The following EXD3 variants were observed in gnomAD, a reference collection of about 807,000 sequenced individuals.
EXD3 encodes exonuclease mut-7 homolog.
A neutral mutation model predicts 98.0 loss-of-function variants in EXD3; 92 were observed. The observed-to-expected ratio is 0.94, with a 90% CI of 0.79 to 1.12. The LOEUF is 1.12. Among genes scored for constraint, EXD3 ranks in the 50% most tolerant of loss-of-function variants. The pLI, the probability that EXD3 is intolerant of heterozygous loss-of-function variation, is 0.00. For synonymous variants in EXD3, 569 were observed against 526.0 expected, an observed-to-expected ratio of 1.08 and a Z score of -1.12; for missense variants, 1,222 against 1,191.6, an observed-to-expected ratio of 1.03 and a Z score of -0.38.
At chr9:137,418,408 CATT>C (rs1838342421) in intron 1 of EXD3, among the ~76,000 whole-genome samples, 1 of 152,170 alleles carries the variant, frequency 6.6e-6, no homozygotes, top group African/African-American at 2.4e-5. Flanking sequence ...AACACTGAAA[CATT>C]AATTACTAAG....
At chr9:137,414,566 A>G (rs1042770370) in intron 1 of EXD3, among the ~76,000 whole-genome samples, 4 of 152,316 alleles carry the variant, frequency 2.6e-5, no homozygotes, top group Admixed American at 6.5e-5. Context: ...ATTTTACGCT[A>G]GCATCGATAA....
chr9:137,405,502 C>T lies in EXD3; in HGVS notation c.-47-10098G>A, dbSNP rs963113940. Among the ~76,000 whole-genome samples the T allele has an allele frequency of 3.9e-5, 6 of 152,214 alleles. No homozygotes were observed. The highest frequency in any genetic ancestry group is 5.9e-5 in the Non-Finnish European group (4 of 68,038). On this transcript the variant is annotated intron_variant, in intron 1 of 21. Coordinates refer to ENST00000340951, the MANE Select transcript of EXD3 (RefSeq NM_017820.5). This position sits in a 1 kb window ranked among gnomAD's most constrained non-coding sequence, Gnocchi z 4.1. ...ACTCACCCGTCCCCAGCCACTCACC[C>T]GTCCCCAGCATCCACAGTTTCTCAG...
intron 20 of EXD3, among the ~76,000 whole-genome samples, chr9:137,309,166 G>A (rs1460503315): frequency 6.6e-6 from 1 of 152,204 alleles, no homozygotes; most frequent in Admixed American, 6.5e-5. Flanking sequence ...TCCACAGGAG[G>A]AGAAAGAAGC....
chr9:137,370,874 G>A (rs560074584), intron 5 of EXD3, among the ~76,000 whole-genome samples: 7 of 151,534 alleles, frequency 4.6e-5, no homozygotes, highest in African/African-American at 1.2e-4. Context: ...ATAACTCAGC[G>A]GACAAAAGCA....
chr9:137,401,217 G>A lies in EXD3; in HGVS notation c.-47-5813C>T, dbSNP rs567749307. 4.1e-5 allele frequency among the ~76,000 whole-genome samples: 6 copies of A among 145,184 alleles called. No homozygotes were observed. In the South Asian group the frequency reaches 8.9e-4, roughly 22 times the overall value. ...TGCCCAGGCTGGAGTGCAGTGGCGCGATCTCAGCTCACTGCAAGCTCCACC... is the reference window on the plus strand; with the variant it reads ...TGCCCAGGCTGGAGTGCAGTGGCGCAATCTCAGCTCACTGCAAGCTCCACC... On this transcript the variant is annotated intron_variant, in intron 1 of 21. Coordinates refer to ENST00000340951, the MANE Select transcript of EXD3 (RefSeq NM_017820.5).
Position 137,373,024 on chromosome 9 carries a change from T to A in EXD3, c.343A>T (p.Thr115Ser). 6.2e-7 allele frequency: 1 copy of A among 1,604,076 alleles called. No individual in the cohort carries two copies. The highest frequency in any genetic ancestry group is 8.5e-7 in the Non-Finnish European group (1 of 1,178,340). ...QLQARAVKVL[T>S]ESPPSLAAPL... ...GCCGCAAGGCTGGGGGGGCTCTCAG[T>A]GAGGACTTTGACCGCTCGGGCCTGC... The change falls in exon 5 of 22, where the codon ACT becomes TCT. Residue 115 changes from threonine (T) to serine (S), a missense_variant. Thr to Ser is a moderately conservative substitution (Grantham distance 58). Transcript: ENST00000340951.
Position 137,349,183 on chromosome 9 carries a change from C to T in EXD3, c.1757G>A (p.Arg586Lys). ...SEDLAGSRRP[R>K]HRERPGARKP... The stretch of plus-strand genomic sequence containing the variant: ...CCGTGCCCCTGGTCTCTCTCTGTGC[C>T]TGGGCCTCCGGCTCCCAGCCAGGTC... Residue 586 changes from arginine (R) to lysine (K), a missense_variant, in exon 16 of 22, where the codon AGG becomes AAG. By Grantham distance (26) the Arg-to-Lys change is conservative. Transcript: ENST00000340951. The surrounding 1 kb of genome is among the most constrained non-coding windows in gnomAD (Gnocchi z 7.4). 6.3e-7 allele frequency: 1 copy of T among 1,591,340 alleles called. No individual in the cohort carries two copies. Among genetic ancestry groups the T allele is most frequent in the African/African-American group, 1.3e-5 (1 of 74,832 alleles).
intron 1 of EXD3, among the ~76,000 whole-genome samples, chr9:137,421,722 C>T (rs1838523729): frequency 6.6e-6 from 1 of 152,112 alleles, no homozygotes; most frequent in African/African-American, 2.4e-5. Context: ...CCTGTATTCC[C>T]AGGTACTCAG....
At chr9:137,373,931 A>C (rs1253084610) in intron 3 of EXD3, among the ~76,000 whole-genome samples, 1 of 152,266 alleles carries the variant, frequency 6.6e-6, no homozygotes, top group African/African-American at 2.4e-5. Flanking sequence ...CTCGCGGGAC[A>C]CGGGCCTGGC....
chr9:137,372,980 G>A lies in EXD3; in HGVS notation c.387C>T (p.Phe129=). ...AGCTCCTGTCTGCATCCTGCAGCTG[G>A]AAGATGCTGGCCAGTGGTGCCGCAA... ...PSLAAPLASI[F]QLQDADRSCL... Residue 129 remains phenylalanine, a synonymous_variant, in exon 5 of 22, where the codon TTC becomes TTT. Transcript: ENST00000340951. 1 of 1,604,580 alleles carries A rather than the reference G, an allele frequency of 6.2e-7. No individual in the cohort carries two copies. Among genetic ancestry groups the A allele is most frequent in the Non-Finnish European group, 8.5e-7 (1 of 1,179,710 alleles).
Position 137,307,605 on chromosome 9 carries a change from C to G in EXD3, c.2317+3G>C, listed in dbSNP as rs1301719153. ...GTCCTTGGTGGGCGGTCCCGGGGCT[C>G]ACCTGGCTCCTGCACCGCCTGGCTC... On this transcript the variant is annotated splice_donor_region_variant and intron_variant, in intron 21 of 21. Transcript: ENST00000340951. 2.5e-6 allele frequency: 4 copies of G among 1,609,922 alleles called. No individual in the cohort carries two copies. In the African/African-American group the frequency reaches 5.3e-5, roughly 21 times the overall value.
chr9:137,306,926 T>C lies in EXD3; in HGVS notation c.*24A>G, dbSNP rs751830278. 4 of 1,537,568 alleles carry C rather than the reference T, an allele frequency of 2.6e-6. No homozygotes were observed. Among genetic ancestry groups the C allele is most frequent in the Admixed American group, 2.0e-5 (1 of 50,966 alleles). On this transcript the variant is annotated 3_prime_UTR_variant, in exon 22 of 22. Transcript: ENST00000340951. The stretch of plus-strand genomic sequence containing the variant: ...CCATGGGCCCAGCAGTCGGGCACTT[T>C]CCATGTTTATTGTCTGGCTGTCCTC...
At chr9:137,391,666 C>T (rs34153977) in intron 2 of EXD3, 7,186 of 152,188 alleles carry the variant, frequency 0.047, 248 homozygotes, top group Non-Finnish European at 0.068. Flanking sequence ...CGCCGACCGC[C>T]GGCCCTGGTG....
At chr9:137,415,267 G>A (rs1838184290) in intron 1 of EXD3, among the ~76,000 whole-genome samples, 2 of 151,222 alleles carry the variant, frequency 1.3e-5, no homozygotes, top group East Asian at 1.9e-4. Context: ...GCAGTGGGGC[G>A]ATCTCAGCTG....
At position 137,349,915 on chromosome 9, in the gene EXD3, C is replaced by T. The variant is rs564766589; in HGVS notation, c.1495-384G>A. Among the ~76,000 whole-genome samples the T allele has an allele frequency of 4.6e-5, 7 of 151,996 alleles. No homozygotes were observed. The highest frequency in any genetic ancestry group is 2.9e-5 in the Non-Finnish European group (2 of 67,972). ...CAGCAGAAACGCAGACAAAATGCAG[C>T]GAAACCACCCCCGGGGGGCTCTAGT... On this transcript the variant is annotated intron_variant, in intron 14 of 21. Coordinates refer to ENST00000340951, the MANE Select transcript of EXD3 (RefSeq NM_017820.5). The surrounding 1 kb of genome is among the most constrained non-coding windows in gnomAD (Gnocchi z 7.4).
chr9:137,335,464 A>G (rs995239861), intron 17 of EXD3, among the ~76,000 whole-genome samples: 1 of 152,136 alleles, frequency 6.6e-6, no homozygotes, highest in Non-Finnish European at 1.5e-5. Context: ...GCGGATCACG[A>G]GGTCAGGAGT....
intron 19 of EXD3, among the ~76,000 whole-genome samples, chr9:137,317,792 C>T (rs370301708): frequency 3.3e-5 from 5 of 152,174 alleles, no homozygotes; most frequent in East Asian, 3.9e-4. Flanking sequence ...TAGGCCCACC[C>T]GCTGCTGAAA....
intron 1 of EXD3, among the ~76,000 whole-genome samples, chr9:137,398,500 A>G (rs1241460775): frequency 1.3e-5 from 2 of 151,910 alleles, no homozygotes; most frequent in Non-Finnish European, 1.5e-5. Flanking sequence ...GAACGTCCCC[A>G]TGACACATGT....
At chr9:137,412,775 G>T (rs1261115233) in intron 1 of EXD3, among the ~76,000 whole-genome samples, 1 of 152,176 alleles carries the variant, frequency 6.6e-6, no homozygotes, top group African/African-American at 2.4e-5. Context: ...CCATCTCAGT[G>T]ACCATTTTTA....
Sources: allele counts gnomAD v4.1 joint callset (sites outside exome capture counted in the v4.1 genomes callset), GRCh38; gene constraint gnomAD v4.1.1; non-coding constraint Gnocchi (gnomAD v3.1); transcripts MANE v1.5; gene names NCBI Gene and HGNC (gene_info 2026-07-23, HGNC 2026-07-21).